The following NEK10 variants were observed in gnomAD, a reference collection of about 807,000 sequenced individuals.
NEK10 encodes the protein NIMA related kinase 10.
Under a neutral mutation model 159.8 loss-of-function variants are expected in NEK10, and 122 were observed. The ratio of observed to expected loss-of-function variants is 0.76; its 90% CI spans 0.66 to 0.89. NEK10 has a LOEUF of 0.89. NEK10 is among the 40% of genes least tolerant of loss of function. NEK10 has a pLI of 0.00. For synonymous variants in NEK10, 466 were observed against 457.1 expected (o/e 1.02, Z -0.25); for missense variants, 1,342 against 1,323.1 (o/e 1.01, Z -0.22).
At chr3:27,125,949 G>T (rs1941895641) in intron 32 of NEK10, among the ~76,000 whole-genome samples, 1 of 152,156 alleles carries the variant, frequency 6.6e-6, no homozygotes. Context: ...AGAGTGAACG[G>T]TGGCTTGACC....
At chr3:27,353,072 C>T (rs1486091328) in intron 1 of NEK10, among the ~76,000 whole-genome samples, 153 bp from the exon 2 acceptor site, 1 of 152,088 alleles carries the variant, frequency 6.6e-6, no homozygotes, top group Non-Finnish European at 1.5e-5. Context: ...AATATGAATA[C>T]CACTTACTAT....
At chr3:27,205,058 T>C (rs1553678348) in intron 23 of NEK10, among the ~76,000 whole-genome samples, 1 of 151,808 alleles carries the variant, frequency 6.6e-6, no homozygotes, top group Non-Finnish European at 1.5e-5. Context: ...CTCTGATGGC[T>C]AGTGATGATG....
chr3:27,136,095 G>T (rs897509086), intron 31 of NEK10, among the ~76,000 whole-genome samples: 4 of 146,852 alleles, frequency 2.7e-5, no homozygotes, highest in Non-Finnish European at 6.0e-5. Flanking sequence ...CTGTTCTCTA[G>T]GAGATCGATT....
intron 23 of NEK10, among the ~76,000 whole-genome samples, chr3:27,251,207 A>T (rs1288030060): frequency 2.6e-5 from 4 of 152,160 alleles, no homozygotes; most frequent in Admixed American, 1.3e-4. Flanking sequence ...TAGAATTTAA[A>T]CCCAGGCCAT....
At chr3:27,147,437 C>T (rs1371081852) in intron 30 of NEK10, among the ~76,000 whole-genome samples, 1 of 152,224 alleles carries the variant, frequency 6.6e-6, no homozygotes, top group Non-Finnish European at 1.5e-5. Flanking sequence ...GCTACCCTAG[C>T]CTCCGGCAGA....
chr3:27,174,269 A>G (rs1288016137), intron 28 of NEK10, 170 bp downstream of exon 28: 2 of 478,264 alleles, frequency 4.2e-6, no homozygotes, highest in African/African-American at 4.2e-5. Flanking sequence ...TGTGCTGGCT[A>G]ACCTTTGGGC....
intron 6 of NEK10, 141 bp from the exon 7 acceptor site, chr3:27,314,479 T>C: frequency 1.6e-6 from 1 of 633,930 alleles, no homozygotes; most frequent in South Asian, 2.0e-5. Flanking sequence ...TACGGAAAAC[T>C]TACAGTATGT....
intron 23 of NEK10, among the ~76,000 whole-genome samples, chr3:27,250,079 AGTT>A (rs1413160493): frequency 4.6e-5 from 7 of 152,118 alleles, no homozygotes; most frequent in Non-Finnish European, 8.8e-5. Context: ...TGTCTTGAAA[AGTT>A]GTTGTAGTTA....
At chr3:27,219,579 T>A (rs1309944482) in intron 23 of NEK10, among the ~76,000 whole-genome samples, 1 of 152,234 alleles carries the variant, frequency 6.6e-6, no homozygotes, top group Non-Finnish European at 1.5e-5. Flanking sequence ...AACTGTTTTC[T>A]TTTCTACTTT....
At chr3:27,198,159 C>T (rs921823210) in intron 25 of NEK10, among the ~76,000 whole-genome samples, 8 of 152,116 alleles carry the variant, frequency 5.3e-5, no homozygotes, top group African/African-American at 9.7e-5. Flanking sequence ...ATACCCCATG[C>T]TCACAGATAG....
At chr3:27,178,652 T>C (rs1019605033) in intron 26 of NEK10, among the ~76,000 whole-genome samples, 3 of 152,204 alleles carry the variant, frequency 2.0e-5, no homozygotes, top group Non-Finnish European at 2.9e-5. Context: ...AGACAGGCCA[T>C]TGACTGCATA....
At chr3:27,352,689 A>G (rs1389071468) in intron 2 of NEK10, 123 bp downstream of exon 2, 5 of 809,746 alleles carry the variant, frequency 6.2e-6, no homozygotes, top group Non-Finnish European at 8.3e-6. Flanking sequence ...CAGATGTTTC[A>G]GTAAGCACTG....
Position 27,201,114 on chromosome 3 carries a change from G to A in NEK10, c.2291+396C>T, listed in dbSNP as rs1950005400. Among the ~76,000 whole-genome samples, 2 of 152,124 alleles carry A rather than the reference G, an allele frequency of 1.3e-5. 1 individual carries two copies. The highest frequency in any genetic ancestry group is 4.1e-4 in the South Asian group (2 of 4,824). On this transcript the variant is annotated intron_variant, in intron 25 of 35. Transcript: ENST00000691995. The stretch of plus-strand genomic sequence containing the variant: ...TAAAAATGGAAATTAAAAAGTACCT[G>A]CAACTTTATCATCTAACATGGCTTT...
intron 26 of NEK10, among the ~76,000 whole-genome samples, chr3:27,187,946 A>G (rs1417597779): frequency 6.6e-6 from 1 of 152,146 alleles, no homozygotes; most frequent in Non-Finnish European, 1.5e-5. Context: ...CTACACATAT[A>G]AAAATATGCA....
chr3:27,288,352 T>A (rs1380478313), intron 19 of NEK10, among the ~76,000 whole-genome samples: 1 of 152,226 alleles, frequency 6.6e-6, no homozygotes, highest in Non-Finnish European at 1.5e-5. Context: ...CTAGGCCTCA[T>A]CCTTGGTCTG....
intron 1 of NEK10, among the ~76,000 whole-genome samples, chr3:27,357,307 G>C (rs1052300280): frequency 1.3e-5 from 2 of 151,912 alleles, no homozygotes; most frequent in Non-Finnish European, 2.9e-5. Flanking sequence ...ACGGATAAAA[G>C]GATTATTTTA....
chr3:27,279,638 G>A (rs910682573), intron 22 of NEK10, among the ~76,000 whole-genome samples: 5 of 152,100 alleles, frequency 3.3e-5, no homozygotes, highest in African/African-American at 1.2e-4. Context: ...AATCTCTGTG[G>A]ATTATCTTTT....
intron 26 of NEK10, among the ~76,000 whole-genome samples, chr3:27,175,592 C>A (rs1181094333): frequency 3.3e-5 from 5 of 152,112 alleles, no homozygotes; most frequent in Admixed American, 3.3e-4. Flanking sequence ...AAAGACCGTG[C>A]GGAAGGAATG....
At chr3:27,198,355 G>C (rs553102716) in intron 25 of NEK10, among the ~76,000 whole-genome samples, 79 of 146,970 alleles carry the variant, frequency 5.4e-4, no homozygotes, top group African/African-American at 1.9e-3. Context: ...AACAAAGCTT[G>C]AGTCATCATG....
Sources: allele counts gnomAD v4.1 joint callset (sites outside exome capture counted in the v4.1 genomes callset), GRCh38; gene constraint gnomAD v4.1.1; transcripts MANE v1.5; gene names NCBI Gene and HGNC (gene_info 2026-07-23, HGNC 2026-07-21).